Variants in TCEANC2 observed in about 807,000 individuals in gnomAD.
The protein encoded by TCEANC2 is transcription elongation factor A N-terminal and central domain containing 2.
Under a neutral mutation model 22.8 loss-of-function variants are expected in TCEANC2, and 20 were observed. The observed-to-expected ratio is 0.88, with a 90% confidence interval of 0.62 to 1.28. TCEANC2 has a LOEUF of 1.28. Among genes scored for constraint, TCEANC2 ranks in the 50% most tolerant of loss-of-function variants. The probability of loss-of-function intolerance (pLI) is 0.00; values close to 1 mark genes in which losing one functional copy is unlikely to be tolerated. For missense variants in TCEANC2, 251 were observed against 249.7 expected, an observed-to-expected ratio of 1.01 and a Z score of -0.03; for synonymous variants, 84 against 95.5, an observed-to-expected ratio of 0.88 and a Z score of 0.70.
At chr1:54,093,343 G>A (rs1658483357) in intron 4 of TCEANC2, among the ~76,000 whole-genome samples, 1 of 152,132 alleles carries the variant, frequency 6.6e-6, no homozygotes, top group East Asian at 1.9e-4. Flanking sequence ...ACTTGGGTGG[G>A]TTTGGATTAC....
rs1658565308 is a variant in TCEANC2, at chr1:54,096,756, T to C, written c.*283T>C. ...ATCACCCAACATGGTGAAAGGGTGA[T>C]GGATTTCACTGTGAATATGCCAAGG... On this transcript the variant is annotated 3_prime_UTR_variant, in exon 5 of 5. Coordinates refer to ENST00000234827, the MANE Select transcript of TCEANC2 (RefSeq NM_153035.3). This position sits in a 1 kb window ranked among gnomAD's most constrained non-coding sequence, Gnocchi z 4.9. The C allele has an allele frequency of 8.8e-7, 1 of 1,131,346 alleles. No individual in the cohort carries two copies. Among genetic ancestry groups the C allele is most frequent in the Non-Finnish European group, 1.1e-6 (1 of 920,132 alleles). The allele number at this position is 1,131,346 out of a possible 1,614,324, so 70.1% of individuals were successfully genotyped here.
intron 1 of TCEANC2, 119 bp downstream of exon 1, chr1:54,053,877 C>T: frequency 6.5e-6 from 1 of 154,094 alleles, no homozygotes; most frequent in East Asian, 1.9e-4. Context: ...TGGGTAGGGT[C>T]CTCTGACCAC....
chr1:54,064,926 C>G (rs1657920797), intron 2 of TCEANC2, among the ~76,000 whole-genome samples: 1 of 152,100 alleles, frequency 6.6e-6, no homozygotes, highest in Non-Finnish European at 1.5e-5. Context: ...TCTCGAACTC[C>G]TGACCTCAAG....
At chr1:54,068,635 A>C (rs764923948) in intron 2 of TCEANC2, 121 bp from the exon 3 acceptor site, 137 of 1,003,444 alleles carry the variant, frequency 1.4e-4, no homozygotes, top group Non-Finnish European at 1.9e-4. Context: ...GATGCACTGT[A>C]CTTTGGTTCA....
intron 2 of TCEANC2, among the ~76,000 whole-genome samples, chr1:54,068,371 A>C (rs1414462358): frequency 6.6e-6 from 1 of 152,240 alleles, no homozygotes; most frequent in African/African-American, 2.4e-5. Flanking sequence ...GATTGTTGAC[A>C]TAAACATGTC....
intron 2 of TCEANC2, among the ~76,000 whole-genome samples, chr1:54,060,285 G>A (rs1337169027): frequency 2.0e-5 from 3 of 152,054 alleles, no homozygotes; most frequent in Non-Finnish European, 4.4e-5. Flanking sequence ...CGCGCCTGTA[G>A]TCCCAGCTGC....
At chr1:54,076,856 A>C (rs1037067744) in intron 3 of TCEANC2, among the ~76,000 whole-genome samples, 1 of 152,218 alleles carries the variant, frequency 6.6e-6, no homozygotes, top group Admixed American at 6.5e-5. Flanking sequence ...AAGAAGAAAC[A>C]TAATAAACAA....
chr1:54,061,135 T>G (rs904394111), intron 2 of TCEANC2, among the ~76,000 whole-genome samples: 4 of 152,196 alleles, frequency 2.6e-5, no homozygotes, highest in African/African-American at 9.7e-5. Context: ...TATGTATGCA[T>G]GATGCTTGGT....
In TCEANC2 at chr1:54,096,425, G is replaced by C; in HGVS notation, c.579G>C (p.Lys193Asn). The part of the protein sequence containing the change: ...KHRAEIRAQV[K>N]SGSLPVGTFV... The stretch of plus-strand genomic sequence containing the variant: ...GAGCTGAAATCCGGGCTCAGGTGAA[G>C]AGCGGCTCGCTGCCAGTCGGCACGT... The change falls in exon 5 of 5, where the codon AAG becomes AAC. Residue 193 changes from lysine to asparagine, a missense_variant. Physicochemically the swap from Lys to Asn is moderately conservative, Grantham distance 94. Coordinates refer to ENST00000234827, the MANE Select transcript of TCEANC2 (RefSeq NM_153035.3). The surrounding 1 kb of genome is among the most constrained non-coding windows in gnomAD (Gnocchi z 4.9). 6.2e-7 allele frequency: 1 copy of C among 1,612,832 alleles called. No homozygotes were observed. Among genetic ancestry groups the C allele is most frequent in the African/African-American group, 1.3e-5 (1 of 75,054 alleles).
downstream of TCEANC2, among the ~76,000 whole-genome samples, chr1:54,109,765 G>T (rs1281593964): frequency 6.6e-6 from 1 of 152,218 alleles, no homozygotes; most frequent in Admixed American, 6.5e-5. Flanking sequence ...TGGTTCTGAA[G>T]TTGGTGCTGG....
chr1:54,111,671 C>G (rs868796630), exon 5 of TCEANC2: 2 of 152,220 alleles, frequency 1.3e-5, no homozygotes, highest in African/African-American at 4.8e-5. Flanking sequence ...GTAACCCTCA[C>G]GACAACCCTG....
intron 3 of TCEANC2, among the ~76,000 whole-genome samples, chr1:54,083,562 C>G (rs577667548): frequency 1.3e-5 from 2 of 152,176 alleles, no homozygotes; most frequent in African/African-American, 4.8e-5. Context: ...TCAAAGGACT[C>G]TCTGTTTGAG....
At chr1:54,095,963 A>T (rs1021974948) in intron 4 of TCEANC2, among the ~76,000 whole-genome samples, 1 of 152,182 alleles carries the variant, frequency 6.6e-6, no homozygotes, top group African/African-American at 2.4e-5. Flanking sequence ...GAACCGTTAT[A>T]CTGATTTATT....
chr1:54,090,030 C>A, intron 4 of TCEANC2: 1 of 681,372 alleles, frequency 1.5e-6, no homozygotes, highest in Admixed American at 1.9e-5. Flanking sequence ...GGTAGCAACA[C>A]AAATCAGAAT....
intron 3 of TCEANC2, among the ~76,000 whole-genome samples, chr1:54,085,215 C>T (rs1243479424): frequency 6.6e-6 from 1 of 152,196 alleles, no homozygotes; most frequent in Non-Finnish European, 1.5e-5. Flanking sequence ...CTTCATAGAA[C>T]CTGTAAAGCA....
At chr1:54,079,902 C>T (rs1047912990) in intron 3 of TCEANC2, among the ~76,000 whole-genome samples, 11 of 152,142 alleles carry the variant, frequency 7.2e-5, no homozygotes, top group African/African-American at 2.7e-4. Flanking sequence ...TGTGTTATTC[C>T]TGTCTCCTTG....
rs767491126 is a variant in TCEANC2, at chr1:54,054,484, G to A, written c.62G>A (p.Gly21Glu). The A allele has an allele frequency of 1.2e-6, 2 of 1,613,962 alleles. No homozygotes were observed. Among genetic ancestry groups the A allele is most frequent in the South Asian group, 1.1e-5 (1 of 91,038 alleles). The change falls in exon 2 of 5, where the codon GGA becomes GAA. Residue 21 changes from glycine to glutamate, a missense_variant. By Grantham distance (98) the Gly-to-Glu change is moderately conservative. Transcript: ENST00000234827. ...IQNSPQKKDS[G>E]GKVYKQATIE... is the part of the protein sequence containing the mutation. ...AATAGCCCTCAGAAGAAAGATTCTG[G>A]AGGAAAGGTTTACAAGCAGGCCACG... is the stretch of plus-strand genomic sequence containing the variant.
intron 4 of TCEANC2, among the ~76,000 whole-genome samples, chr1:54,094,722 G>A (rs1334068125): frequency 6.6e-6 from 1 of 152,224 alleles, no homozygotes; most frequent in Non-Finnish European, 1.5e-5. Context: ...ACATAGTGCT[G>A]AATAAATGTT....
At chr1:54,093,984 G>A (rs1285751642) in intron 4 of TCEANC2, among the ~76,000 whole-genome samples, 1 of 152,206 alleles carries the variant, frequency 6.6e-6, no homozygotes, top group African/African-American at 2.4e-5. Context: ...TCCTAAAGTA[G>A]TCTGGTGCCA....
Sources: gnomAD v4.1 joint callset for allele counts (sites outside exome capture counted in the v4.1 genomes callset) on GRCh38, gnomAD v4.1.1 for gene constraint, Gnocchi (gnomAD v3.1) non-coding constraint, MANE v1.5 for transcripts, NCBI Gene and HGNC (gene_info 2026-07-23, HGNC 2026-07-21) for gene names.